Variants in AK5 observed in about 807,000 individuals in gnomAD.
The protein encoded by AK5 is adenylate kinase isoenzyme 5.
In AK5, 27 loss-of-function variants were observed where a neutral mutation model predicts 69.5. That is an observed-to-expected ratio of 0.39 (90% CI 0.29 to 0.54). AK5 has a LOEUF of 0.54. Ranked by LOEUF, AK5 falls within the 20% of genes least tolerant of loss-of-function variation. The probability of loss-of-function intolerance (pLI) is 0.71; values close to 1 mark genes in which losing one functional copy is unlikely to be tolerated. For missense variants in AK5, 531 were observed against 700.4 expected, an observed-to-expected ratio of 0.76 and a Z score of 2.73; for synonymous variants, 260 against 244.4, an observed-to-expected ratio of 1.06 and a Z score of -0.60.
At chr1:77,380,121 T>G (rs943448831) in intron 6 of AK5, among the ~76,000 whole-genome samples, 5 of 152,012 alleles carry the variant, frequency 3.3e-5, no homozygotes, top group African/African-American at 1.2e-4. Context: ...GACACGAGAG[T>G]GCAATTTCTC....
intron 10 of AK5, among the ~76,000 whole-genome samples, chr1:77,500,389 G>A (rs1570267049): frequency 6.6e-6 from 1 of 152,178 alleles, no homozygotes; most frequent in African/African-American, 2.4e-5. Flanking sequence ...ATACAAAACA[G>A]ATAACAGTTA....
chr1:77,352,460 G>T (rs1410580769), intron 6 of AK5, among the ~76,000 whole-genome samples: 1 of 152,190 alleles, frequency 6.6e-6, no homozygotes, highest in African/African-American at 2.4e-5. Flanking sequence ...TAGATTCTAT[G>T]TTAGAGGATC....
chr1:77,301,023 T>A (rs1659311984), intron 5 of AK5, among the ~76,000 whole-genome samples: 1 of 151,984 alleles, frequency 6.6e-6, no homozygotes, highest in Admixed American at 6.6e-5. Flanking sequence ...AGATCTGGGG[T>A]GTGAGAAGAG....
intron 8 of AK5, among the ~76,000 whole-genome samples, chr1:77,476,650 C>T (rs562518398): frequency 8.1e-4 from 123 of 152,244 alleles, no homozygotes; most frequent in Middle Eastern, 3.4e-3. Context: ...CCGGGTCAGC[C>T]GGAGGAAGGC....
At chr1:77,497,154 G>A (rs570130955) in intron 10 of AK5, among the ~76,000 whole-genome samples, 21 of 152,258 alleles carry the variant, frequency 1.4e-4, no homozygotes, top group African/African-American at 4.3e-4. Context: ...GCAAGACCAC[G>A]AACCCACTGG....
In AK5 at chr1:77,483,277, C is replaced by G. The variant is rs760741130; in HGVS notation, c.1060-40C>G. 6.7e-6 allele frequency: 10 copies of G among 1,500,226 alleles called. No homozygotes were observed. In the African/African-American group the frequency reaches 1.4e-4, roughly 21 times the overall value. 92.9% of individuals were successfully genotyped at this position (1,500,226 alleles called of 1,614,324 possible). On this transcript the variant is annotated intron_variant, in intron 8 of 13. Transcript: ENST00000354567. ...GTTGCCAAGGAGTTCAGCAAAATAC[C>G]TGCTGTTATTATTATCTAATATTGT...
At chr1:77,524,417 G>A (rs1216168675) in intron 12 of AK5, among the ~76,000 whole-genome samples, 6 of 152,236 alleles carry the variant, frequency 3.9e-5, no homozygotes, top group South Asian at 2.1e-4. Context: ...CATTCCTACC[G>A]ACAATGCGTG....
intron 12 of AK5, among the ~76,000 whole-genome samples, chr1:77,531,112 C>T (rs916990073): frequency 2.6e-5 from 4 of 152,246 alleles, no homozygotes; most frequent in African/African-American, 9.6e-5. Flanking sequence ...GGCAGCGTGT[C>T]CGGAGTTTGT....
At chr1:77,344,992 T>C (rs1661840154) in intron 6 of AK5, among the ~76,000 whole-genome samples, 1 of 96,178 alleles carries the variant, frequency 1.0e-5, no homozygotes, top group African/African-American at 3.5e-5. Flanking sequence ...TCTTAAATTG[T>C]GCAAAAAAAA....
chr1:77,526,310 A>G (rs1009462989), intron 12 of AK5, among the ~76,000 whole-genome samples: 2 of 152,040 alleles, frequency 1.3e-5, no homozygotes, highest in East Asian at 1.9e-4. Flanking sequence ...CTAACATACA[A>G]TTGTAGATGT....
In AK5 at chr1:77,416,687, C is replaced by T. The variant is rs115808358; in HGVS notation, c.983-952C>T. Among the ~76,000 whole-genome samples, 637 of 152,192 alleles carry T rather than the reference C, an allele frequency of 4.2e-3. 4 individuals are homozygous for T. Among genetic ancestry groups the T allele is most frequent in the African/African-American group, 0.015 (605 of 41,526 alleles). ...CTCATTTGGAAAGAAAATATGAAAG[C>T]AACATCGGGGACAGGTCTATATCTG... is the stretch of plus-strand genomic sequence containing the variant. On this transcript the variant is annotated intron_variant, in intron 7 of 13. Coordinates refer to ENST00000354567, the MANE Select transcript of AK5 (RefSeq NM_174858.3).
intron 6 of AK5, chr1:77,349,542 T>C (rs1273263885): frequency 6.6e-6 from 1 of 152,222 alleles, no homozygotes; most frequent in African/African-American, 2.4e-5. Flanking sequence ...CAGGCACTTG[T>C]CATTTGACAG....
At chr1:77,418,155 G>T (rs1650553548) in intron 8 of AK5, among the ~76,000 whole-genome samples, 1 of 152,160 alleles carries the variant, frequency 6.6e-6, no homozygotes, top group African/African-American at 2.4e-5. Flanking sequence ...AAAGAAAGAG[G>T]TTTAATGGAG....
intron 5 of AK5, among the ~76,000 whole-genome samples, chr1:77,330,304 C>G (rs1041710477): frequency 4.6e-5 from 7 of 152,090 alleles, no homozygotes; most frequent in African/African-American, 1.7e-4. Context: ...TTGAGAAATC[C>G]TTACCAACCC....
chr1:77,454,632 G>A (rs1653361843), intron 8 of AK5, among the ~76,000 whole-genome samples: 1 of 152,116 alleles, frequency 6.6e-6, no homozygotes, highest in Non-Finnish European at 1.5e-5. Flanking sequence ...GGAAATTAAT[G>A]TTTATCACCA....
intron 10 of AK5, among the ~76,000 whole-genome samples, chr1:77,517,068 CAA>C (rs111239926): frequency 5.4e-4 from 73 of 136,220 alleles, no homozygotes; most frequent in South Asian, 1.7e-3. Context: ...AAGACCATCT[CAA>C]AAAAAAAAAA....
At chr1:77,365,223 C>T (rs545190660) in intron 6 of AK5, among the ~76,000 whole-genome samples, 25 of 152,026 alleles carry the variant, frequency 1.6e-4, no homozygotes, top group African/African-American at 4.8e-4. Context: ...TTTGTGTTTC[C>T]GCTGTGGAGA....
Position 77,558,685 on chromosome 1 carries a change from G to T in AK5, c.*15G>T. ...CTATTTTCTGAAGGCAAAAATGCAT[G>T]TTTGTTAGAATGGAAACAGAAAAAC... On this transcript the variant is annotated 3_prime_UTR_variant, in exon 14 of 14. Transcript: ENST00000354567. 3.4e-6 allele frequency: 5 copies of T among 1,468,946 alleles called. No homozygotes were observed. The highest frequency in any genetic ancestry group is 4.7e-6 in the Non-Finnish European group (5 of 1,070,208). 91.0% of individuals were successfully genotyped at this position (1,468,946 alleles called of 1,614,324 possible).
At chr1:77,482,592 G>A (rs771671706) in intron 8 of AK5, among the ~76,000 whole-genome samples, 2 of 151,968 alleles carry the variant, frequency 1.3e-5, no homozygotes, top group African/African-American at 2.4e-5. Context: ...GGCCAACATG[G>A]TGAAACTCTG....
Sources: allele counts gnomAD v4.1 joint callset (sites outside exome capture counted in the v4.1 genomes callset), GRCh38; gene constraint gnomAD v4.1.1; transcripts MANE v1.5; gene names NCBI Gene and HGNC (gene_info 2026-07-23, HGNC 2026-07-21).